Variants in TMTC2 observed in about 807,000 individuals in gnomAD.
TMTC2 encodes transmembrane O-mannosyltransferase targeting cadherins 2.
A neutral mutation model predicts 82.4 loss-of-function variants in TMTC2; 43 were observed. That is an observed-to-expected ratio of 0.52 (90% CI 0.41 to 0.67). The LOEUF (loss-of-function observed/expected upper bound fraction) is 0.67. TMTC2 is among the 30% of genes least tolerant of loss of function. The probability of loss-of-function intolerance (pLI) is 0.00; values close to 1 mark genes in which losing one functional copy is unlikely to be tolerated. For synonymous variants in TMTC2, 408 were observed against 381.9 expected (o/e 1.07, Z -0.80); for missense variants, 919 against 1,012.4 (o/e 0.91, Z 1.25).
chr12:82,886,386 G>A (rs1873099741), intron 2 of TMTC2, among the ~76,000 whole-genome samples: 1 of 152,178 alleles, frequency 6.6e-6, no homozygotes, highest in Non-Finnish European at 1.5e-5. Context: ...TTTCAAGTAT[G>A]ATTAAATGAG....
chr12:82,952,759 G>A (rs1340678615), intron 4 of TMTC2, among the ~76,000 whole-genome samples: 1 of 152,070 alleles, frequency 6.6e-6, no homozygotes, highest in Admixed American at 6.6e-5. Context: ...TTTTAGTAGA[G>A]ACGAGGTTTC....
chr12:82,745,400 A>G (rs1875638320), intron 1 of TMTC2, among the ~76,000 whole-genome samples: 1 of 152,336 alleles, frequency 6.6e-6, no homozygotes, highest in Middle Eastern at 3.4e-3. Context: ...CTTTACAGGT[A>G]GTGATCTCTT....
At chr12:82,743,648 T>A (rs954540654) in intron 1 of TMTC2, among the ~76,000 whole-genome samples, 1 of 152,170 alleles carries the variant, frequency 6.6e-6, no homozygotes, top group Non-Finnish European at 1.5e-5. Context: ...GTTCTCAGAT[T>A]TGGCTTTTAT....
intron 10 of TMTC2, 21 bp from the exon 11 acceptor site, chr12:83,061,742 GTTTTA>G (rs755268881): frequency 3.9e-5 from 60 of 1,555,494 alleles, no homozygotes; most frequent in Non-Finnish European, 4.9e-5. Flanking sequence ...ATATGATATA[GTTTTA>G]TTTTATTTTT....
Position 82,777,479 on chromosome 12 carries a change from A to T in TMTC2, c.84-79531A>T, listed in dbSNP as rs74580347. ...TTTCTGAAAGAAATCTTTAGAGGAT[A>T]CATTTCTTTTTCAGGGTATTTTTTG... On this transcript the variant is annotated intron_variant, in intron 1 of 11. Transcript: ENST00000321196. 1.9e-3 allele frequency among the ~76,000 whole-genome samples: 286 copies of T among 152,228 alleles called. 2 individuals carry two copies. The highest frequency in any genetic ancestry group is 6.5e-3 in the African/African-American group (270 of 41,558).
At chr12:82,905,655 A>G (rs1874252318) in intron 3 of TMTC2, among the ~76,000 whole-genome samples, 1 of 152,142 alleles carries the variant, frequency 6.6e-6, no homozygotes, top group Admixed American at 6.5e-5. Context: ...ATATAGAAAA[A>G]CACAGTTGGC....
At chr12:83,023,130 A>T (rs1881007955) in intron 8 of TMTC2, among the ~76,000 whole-genome samples, 1 of 152,166 alleles carries the variant, frequency 6.6e-6, no homozygotes, top group Non-Finnish European at 1.5e-5. Flanking sequence ...TTTTTGTTAC[A>T]TATTACCGTA....
intron 4 of TMTC2, among the ~76,000 whole-genome samples, chr12:82,932,620 A>G (rs978916079): frequency 6.6e-6 from 1 of 152,122 alleles, no homozygotes; most frequent in Non-Finnish European, 1.5e-5. Context: ...AGTTTAATGT[A>G]TTCACACATA....
chr12:82,746,369 T>C (rs1875691492), intron 1 of TMTC2, among the ~76,000 whole-genome samples: 3 of 152,176 alleles, frequency 2.0e-5, no homozygotes, highest in Admixed American at 1.3e-4. Context: ...TAGTAGTATT[T>C]GGCACTGTGC....
Position 82,735,648 on chromosome 12 carries a change from CT to C in TMTC2, c.83+47980del, listed in dbSNP as rs549004385. On this transcript the variant is annotated intron_variant, in intron 1 of 11. Transcript: ENST00000321196. ...GCGTGAGCCACCGCACCCAGCCCCC[CT>C]AATTTTGATTTTTTAAAGATGTATT... 2.0e-3 allele frequency among the ~76,000 whole-genome samples: 303 copies of C among 149,282 alleles called. 2 individuals are homozygous for C. The highest frequency in any genetic ancestry group is 7.2e-3 in the African/African-American group (294 of 41,002).
At chr12:82,783,693 G>T (rs888540491) in intron 1 of TMTC2, among the ~76,000 whole-genome samples, 1 of 152,060 alleles carries the variant, frequency 6.6e-6, no homozygotes, top group Non-Finnish European at 1.5e-5. Flanking sequence ...ATTTCATGAA[G>T]AATTTAGCTT....
chr12:82,732,854 A>G (rs1277871937), intron 1 of TMTC2, among the ~76,000 whole-genome samples: 1 of 152,214 alleles, frequency 6.6e-6, no homozygotes, highest in Non-Finnish European at 1.5e-5. Flanking sequence ...ATGATAAAGC[A>G]TTGATTTCTC....
chr12:82,872,925 C>T lies in TMTC2; in HGVS notation c.654+15345C>T, dbSNP rs537995334. Among the ~76,000 whole-genome samples the T allele has an allele frequency of 2.6e-5, 4 of 152,260 alleles. No homozygotes were observed. The South Asian group carries it at 8.3e-4, about 32-fold the overall frequency. ...TTAAATAACACTCCCAACATGGCAA[C>T]ACTTCACAATAAGAAAGACTTAGTA... is the stretch of plus-strand genomic sequence containing the variant. On this transcript the variant is annotated intron_variant, in intron 2 of 11. Transcript: ENST00000321196.
At chr12:82,925,932 G>A (rs534168210) in intron 3 of TMTC2, among the ~76,000 whole-genome samples, 57 of 151,708 alleles carry the variant, frequency 3.8e-4, no homozygotes, top group African/African-American at 1.4e-3. Context: ...TCAAATACAC[G>A]AATGATAAGA....
chr12:83,029,734 G>A (rs545494994), intron 8 of TMTC2, among the ~76,000 whole-genome samples: 1 of 152,238 alleles, frequency 6.6e-6, no homozygotes, highest in African/African-American at 2.4e-5. Context: ...CCTATCTTGT[G>A]CCATCCTTCT....
At chr12:82,917,893 T>G (rs1682567) in intron 3 of TMTC2, among the ~76,000 whole-genome samples, 144,613 of 152,084 alleles carry the variant, frequency 0.95, 68,790 homozygotes, top group East Asian at 1. Flanking sequence ...GAGCCACTGC[T>G]CCCGGCCAGC....
At chr12:83,116,606 T>A (rs2137553926) in intron 11 of TMTC2, among the ~76,000 whole-genome samples, 1 of 152,336 alleles carries the variant, frequency 6.6e-6, no homozygotes, top group African/African-American at 2.4e-5. Context: ...TCTACTATTT[T>A]GATTTTTTGA....
intron 11 of TMTC2, among the ~76,000 whole-genome samples, chr12:83,106,221 T>C (rs1377618633): frequency 6.6e-6 from 1 of 152,122 alleles, no homozygotes; most frequent in Non-Finnish European, 1.5e-5. Context: ...AGTGACTATC[T>C]TGGAATTTTC....
intron 7 of TMTC2, among the ~76,000 whole-genome samples, chr12:82,978,361 A>G (rs1878771169): frequency 6.6e-6 from 1 of 151,744 alleles, no homozygotes; most frequent in South Asian, 2.1e-4. Context: ...TGTAAATGAT[A>G]AAACTGAGGA....
Sources: gnomAD v4.1 joint callset for allele counts (sites outside exome capture counted in the v4.1 genomes callset) on GRCh38, gnomAD v4.1.1 for gene constraint, MANE v1.5 for transcripts, NCBI Gene and HGNC (gene_info 2026-07-23, HGNC 2026-07-21) for gene names.